SUCLG2: variants seen among roughly 807,000 people sequenced by gnomAD.
The protein encoded by SUCLG2 is succinate-CoA ligase GDP-forming subunit beta.
SUCLG2 carries 42 observed loss-of-function variants against 47.9 expected under a neutral mutation model. The ratio of observed to expected loss-of-function variants is 0.88; its 90% CI spans 0.69 to 1.14. The LOEUF (loss-of-function observed/expected upper bound fraction) is 1.14, where lower values mean the gene tolerates loss of function less well. SUCLG2 is among the 50% of genes most tolerant of loss of function. The pLI is 0.00. For synonymous variants in SUCLG2, 195 were observed against 197.3 expected (o/e 0.99, Z 0.10); for missense variants, 571 against 525.9 (o/e 1.09, Z -0.84).
chr3:67,399,956 G>C (rs933685831), intron 10 of SUCLG2, among the ~76,000 whole-genome samples: 5 of 152,266 alleles, frequency 3.3e-5, no homozygotes, highest in African/African-American at 1.2e-4. Context: ...TGAGGCAGGA[G>C]GATCACTTGA....
chr3:67,480,840 A>C (rs1380070341), intron 9 of SUCLG2, among the ~76,000 whole-genome samples: 1 of 152,228 alleles, frequency 6.6e-6, no homozygotes, highest in Non-Finnish European at 1.5e-5. Context: ...AAGTGAAGAC[A>C]TACAGAGAGA....
chr3:67,542,341 G>T (rs1204144108), intron 2 of SUCLG2, among the ~76,000 whole-genome samples: 1 of 152,100 alleles, frequency 6.6e-6, no homozygotes, highest in African/African-American at 2.4e-5. Context: ...CACTAAATAT[G>T]GAAAGCAAAA....
intron 9 of SUCLG2, among the ~76,000 whole-genome samples, chr3:67,402,119 C>T (rs2106817279): frequency 6.6e-6 from 1 of 152,254 alleles, no homozygotes; most frequent in South Asian, 2.1e-4. Context: ...AGGGCTGGGA[C>T]CTTGGTCGAG....
intron 10 of SUCLG2, among the ~76,000 whole-genome samples, chr3:67,378,213 G>A (rs1702077203): frequency 6.6e-6 from 1 of 152,202 alleles, no homozygotes; most frequent in African/African-American, 2.4e-5. Flanking sequence ...TTGCCTCCTG[G>A]TAGTCACATC....
intron 9 of SUCLG2, 36 bp from the exon 10 acceptor site, chr3:67,400,887 C>T: frequency 6.2e-7 from 1 of 1,610,928 alleles, no homozygotes; most frequent in Non-Finnish European, 8.5e-7. Context: ...AATCAAAATG[C>T]TGATCGCCAA....
intron 9 of SUCLG2, among the ~76,000 whole-genome samples, chr3:67,484,431 A>G (rs1414377146): frequency 2.6e-5 from 4 of 152,248 alleles, no homozygotes; most frequent in Non-Finnish European, 5.9e-5. Context: ...TAGGCTGACA[A>G]TATGAGTTTG....
intron 9 of SUCLG2, chr3:67,408,712 A>C (rs1421519840): frequency 8.1e-7 from 1 of 1,238,356 alleles, no homozygotes; most frequent in African/African-American, 1.5e-5. Flanking sequence ...TAGAATAAGC[A>C]AAACTGTATG....
intron 9 of SUCLG2, among the ~76,000 whole-genome samples, chr3:67,480,955 G>A (rs1005699725): frequency 6.6e-6 from 1 of 152,160 alleles, no homozygotes; most frequent in Non-Finnish European, 1.5e-5. Flanking sequence ...ATAGGACAAT[G>A]TGATTACCGC....
At chr3:67,611,975 T>A (rs182256241) in intron 1 of SUCLG2, among the ~76,000 whole-genome samples, 2 of 152,234 alleles carry the variant, frequency 1.3e-5, no homozygotes, top group African/African-American at 4.8e-5. Flanking sequence ...TTTTACAGAA[T>A]AATCACCTAT....
chr3:67,521,405 C>T (rs2107130460), intron 4 of SUCLG2, among the ~76,000 whole-genome samples: 1 of 152,256 alleles, frequency 6.6e-6, no homozygotes, highest in South Asian at 2.1e-4. Flanking sequence ...TTCAATTCCA[C>T]AAGTGAGTGG....
chr3:67,414,556 G>A (rs1702995953), intron 9 of SUCLG2, among the ~76,000 whole-genome samples: 1 of 152,172 alleles, frequency 6.6e-6, no homozygotes, highest in Non-Finnish European at 1.5e-5. Flanking sequence ...CTTTTCAAAT[G>A]GGGCAGTTGC....
intron 4 of SUCLG2, among the ~76,000 whole-genome samples, chr3:67,522,056 A>G (rs1706124021): frequency 2.0e-5 from 3 of 151,710 alleles, no homozygotes; most frequent in Admixed American, 6.6e-5. Context: ...CTATTTATTT[A>G]TTTGTTTATT....
chr3:67,433,486 G>C (rs1436366903), intron 9 of SUCLG2, among the ~76,000 whole-genome samples: 2 of 152,092 alleles, frequency 1.3e-5, no homozygotes, highest in Non-Finnish European at 2.9e-5. Context: ...TGGAAGGAGG[G>C]AGAATCCTTT....
At chr3:67,538,127 G>A (rs1559562883) in intron 2 of SUCLG2, among the ~76,000 whole-genome samples, 1 of 152,138 alleles carries the variant, frequency 6.6e-6, no homozygotes, top group South Asian at 2.1e-4. Flanking sequence ...TGGCGTTTTA[G>A]TCATGAAGTC....
chr3:67,380,677 G>T (rs572460075), intron 10 of SUCLG2, among the ~76,000 whole-genome samples: 1 of 132,862 alleles, frequency 7.5e-6, no homozygotes, highest in Admixed American at 7.9e-5. Context: ...TACAGAAGGG[G>T]AAAGGGGGGT....
At chr3:67,469,228 T>C (rs1431458610) in intron 9 of SUCLG2, among the ~76,000 whole-genome samples, 1 of 152,206 alleles carries the variant, frequency 6.6e-6, no homozygotes, top group Non-Finnish European at 1.5e-5. Flanking sequence ...TTTTGAGCTG[T>C]ATCCCAAAAG....
chr3:67,613,368 C>T (rs1700566279), intron 1 of SUCLG2, among the ~76,000 whole-genome samples: 1 of 152,174 alleles, frequency 6.6e-6, no homozygotes, highest in Non-Finnish European at 1.5e-5. Context: ...TGCCAGGAAC[C>T]AGGGGTAAAG....
chr3:67,511,023 T>C (rs758148521), intron 6 of SUCLG2, among the ~76,000 whole-genome samples: 13 of 151,784 alleles, frequency 8.6e-5, no homozygotes, highest in Admixed American at 3.9e-4. Context: ...CCCGAGTAGC[T>C]AGGACTACAG....
chr3:67,526,910 CA>C (rs1243840572), intron 4 of SUCLG2, among the ~76,000 whole-genome samples: 1 of 152,068 alleles, frequency 6.6e-6, no homozygotes, highest in East Asian at 1.9e-4. Flanking sequence ...TTGTAATAGC[CA>C]AAAACGAACC....
Sources: allele counts gnomAD v4.1 joint callset (sites outside exome capture counted in the v4.1 genomes callset), GRCh38; gene constraint gnomAD v4.1.1; transcripts MANE v1.5; gene names NCBI Gene and HGNC (gene_info 2026-07-23, HGNC 2026-07-21).